The following IGSF10 variants were observed in gnomAD, a reference collection of about 807,000 sequenced individuals.
The protein encoded by IGSF10 is immunoglobulin superfamily member 10.
IGSF10 carries 126 observed loss-of-function variants against 128.2 expected under a neutral mutation model. The observed-to-expected ratio is 0.98, with a 90% CI of 0.85 to 1.14. The LOEUF (loss-of-function observed/expected upper bound fraction) is 1.14, where lower values mean the gene tolerates loss of function less well. Ranked by LOEUF, IGSF10 falls within the 50% of genes most tolerant of loss-of-function variation. The probability of loss-of-function intolerance (pLI) is 0.00; values close to 1 mark genes in which losing one functional copy is unlikely to be tolerated. For missense variants in IGSF10, 3,295 were observed against 3,149.8 expected (o/e 1.05, Z -1.10); for synonymous variants, 1,185 against 1,146.2 (o/e 1.03, Z -0.68).
At chr3:151,501,389 T>G in the IGSF10 span, among the ~76,000 whole-genome samples, 3 of 152,092 alleles carry the variant, frequency 2.0e-5, no homozygotes, top group East Asian at 5.8e-4. Context: ...ATCATAACAT[T>G]TAACTTCCAG....
chr3:151,546,056 A>T, the IGSF10 span, among the ~76,000 whole-genome samples: 1 of 151,882 alleles, frequency 6.6e-6, no homozygotes, highest in African/African-American at 2.4e-5. Flanking sequence ...AAAAAAAAAA[A>T]GCCTAGCATA....
At chr3:151,551,909 TCA>T in the IGSF10 span, among the ~76,000 whole-genome samples, 1 of 152,158 alleles carries the variant, frequency 6.6e-6, no homozygotes, top group South Asian at 2.1e-4. Flanking sequence ...CAAGTTGTGA[TCA>T]TTTTGAACAG....
At chr3:151,493,828 GTTTT>G in the IGSF10 span, among the ~76,000 whole-genome samples, 2 of 143,290 alleles carry the variant, frequency 1.4e-5, no homozygotes, top group African/African-American at 5.2e-5. Context: ...AATTTTTTGT[GTTTT>G]GTTTTTGGTT....
intron 5 of IGSF10, among the ~76,000 whole-genome samples, chr3:151,450,634 C>A (rs1485697731): frequency 6.6e-6 from 1 of 152,010 alleles, no homozygotes; most frequent in African/African-American, 2.4e-5. Flanking sequence ...CAATCGCTCA[C>A]GCCTGTAACC....
At chr3:151,573,424 C>T in the IGSF10 span, among the ~76,000 whole-genome samples, 1 of 152,270 alleles carries the variant, frequency 6.6e-6, no homozygotes, top group Non-Finnish European at 1.5e-5. Flanking sequence ...GCATTGGGTG[C>T]ATATATATTT....
At chr3:151,594,869 G>A in the IGSF10 span, among the ~76,000 whole-genome samples, 57,505 of 151,222 alleles carry the variant, frequency 0.38, 11,247 homozygotes, top group South Asian at 0.57. Context: ...ATTTATCAAA[G>A]TATTGCATAT....
the IGSF10 span, among the ~76,000 whole-genome samples, chr3:151,466,269 C>T: frequency 4.6e-5 from 7 of 151,988 alleles, no homozygotes; most frequent in Non-Finnish European, 1.0e-4. Context: ...GCCCATTGTG[C>T]TCACTGTTCT....
the IGSF10 span, among the ~76,000 whole-genome samples, chr3:151,493,386 G>A: frequency 6.6e-6 from 1 of 152,026 alleles, no homozygotes; most frequent in South Asian, 2.1e-4. Flanking sequence ...TAATATTTTG[G>A]TCAACGATGG....
the IGSF10 span, among the ~76,000 whole-genome samples, chr3:151,608,373 G>T: frequency 2.0e-5 from 3 of 152,160 alleles, no homozygotes. Context: ...AACTGAGTTT[G>T]CATAAAACTG....
the IGSF10 span, among the ~76,000 whole-genome samples, chr3:151,603,153 C>T: frequency 2.0e-5 from 3 of 152,180 alleles, no homozygotes; most frequent in Non-Finnish European, 4.4e-5. Context: ...GGTATTTCTC[C>T]TTACCATTTA....
Position 151,436,891 on chromosome 3 carries a change from T to A in IGSF10, c.7670A>T (p.Lys2557Met). 6.2e-7 allele frequency: 1 copy of A among 1,614,172 alleles called. No individual in the cohort carries two copies. Reference sequence around the variant, plus strand: ...AGGCATCTCCCATGTGATTTCTGGCTTGGGAACTCCCAAGGCCACACAGTG... The same window carrying A: ...AGGCATCTCCCATGTGATTTCTGGCATGGGAACTCCCAAGGCCACACAGTG... ...QLHCVALGVP[K>M]PEITWEMPDH... Residue 2557 changes from lysine (K) to methionine (M), a missense_variant, in exon 8 of 8, where the codon AAG (lysine) becomes ATG (methionine). Coordinates refer to ENST00000282466, the MANE Select transcript of IGSF10 (RefSeq NM_178822.5).
chr3:151,540,973 T>A, the IGSF10 span, among the ~76,000 whole-genome samples: 9 of 152,092 alleles, frequency 5.9e-5, no homozygotes, highest in African/African-American at 2.2e-4. Context: ...AGTGTGAAGG[T>A]TACAGAAGAA....
At chr3:151,508,466 AAG>A in the IGSF10 span, among the ~76,000 whole-genome samples, 1,134 of 152,264 alleles carry the variant, frequency 7.4e-3, 12 homozygotes, top group South Asian at 0.015. Context: ...TGGAAGAGGA[AAG>A]AGAGATTCTG....
the IGSF10 span, among the ~76,000 whole-genome samples, chr3:151,475,524 T>TA: frequency 2.6e-5 from 4 of 152,218 alleles, no homozygotes; most frequent in African/African-American, 9.6e-5. Context: ...TGGCCTATCC[T>TA]AGCAGTTATA....
the IGSF10 span, among the ~76,000 whole-genome samples, chr3:151,593,461 C>G: frequency 6.6e-6 from 1 of 152,030 alleles, no homozygotes; most frequent in Non-Finnish European, 1.5e-5. Flanking sequence ...AGGCTGCTAC[C>G]ACCATTTATG....
At chr3:151,559,529 T>C in the IGSF10 span, among the ~76,000 whole-genome samples, 1 of 152,184 alleles carries the variant, frequency 6.6e-6, no homozygotes, top group Non-Finnish European at 1.5e-5. Flanking sequence ...AAAATTATTT[T>C]GGTTGTATTG....
chr3:151,584,091 A>G, the IGSF10 span, among the ~76,000 whole-genome samples: 1 of 152,134 alleles, frequency 6.6e-6, no homozygotes, highest in African/African-American at 2.4e-5. Flanking sequence ...CAGTTTTTAA[A>G]TTGATCAATT....
chr3:151,464,173 A>G (rs1722197498), upstream of IGSF10, among the ~76,000 whole-genome samples: 1 of 152,208 alleles, frequency 6.6e-6, no homozygotes, highest in African/African-American at 2.4e-5. Context: ...TTCCTGGACT[A>G]CGGTAATTTA....
chr3:151,438,754 T>G (rs1181927049), intron 7 of IGSF10, among the ~76,000 whole-genome samples, 157 bp from the exon 8 acceptor site: 1 of 151,856 alleles, frequency 6.6e-6, no homozygotes, highest in African/African-American at 2.4e-5. Flanking sequence ...GAGAGAGATA[T>G]ATATACATTT....
Sources: gnomAD v4.1 joint callset for allele counts (sites outside exome capture counted in the v4.1 genomes callset) on GRCh38, gnomAD v4.1.1 for gene constraint, MANE v1.5 for transcripts, NCBI Gene and HGNC (gene_info 2026-07-23, HGNC 2026-07-21) for gene names.